The following LATS2 variants were observed in gnomAD, a reference collection of about 807,000 sequenced individuals.
LATS2 encodes large tumor suppressor kinase 2, also known as serine/threonine-protein kinase LATS2.
In LATS2, 24 loss-of-function variants were observed where a neutral mutation model predicts 76.0. The observed-to-expected ratio is 0.32, with a 90% confidence interval of 0.23 to 0.44. The LOEUF (loss-of-function observed/expected upper bound fraction) is 0.44. Ranked by LOEUF, LATS2 falls within the 20% of genes least tolerant of loss-of-function variation. The pLI is 1.00. For missense variants in LATS2, 1,286 were observed against 1,481.2 expected (o/e 0.87, Z 2.16); for synonymous variants, 692 against 635.4 (o/e 1.09, Z -1.34).
chr13:21,060,366 G>A (rs1595263245), intron 1 of LATS2, among the ~76,000 whole-genome samples: 4 of 152,370 alleles, frequency 2.6e-5, no homozygotes, highest in African/African-American at 9.6e-5. Flanking sequence ...AGAAGAGAAA[G>A]CCAAACCCCC....
chr13:20,999,863 CAAAA>C (rs34389397), intron 2 of LATS2, among the ~76,000 whole-genome samples: 1 of 136,196 alleles, frequency 7.3e-6, no homozygotes, highest in Admixed American at 7.5e-5. Context: ...ACTAAACATA[CAAAA>C]AAAAAAAAAA....
At chr13:21,036,257 C>T (rs1217248484) in intron 2 of LATS2, among the ~76,000 whole-genome samples, 1 of 151,564 alleles carries the variant, frequency 6.6e-6, no homozygotes, top group Non-Finnish European at 1.5e-5. Context: ...TTATCAAACT[C>T]CTGACCTGAC....
intron 2 of LATS2, among the ~76,000 whole-genome samples, chr13:21,019,683 A>G (rs1168406227): frequency 6.8e-6 from 1 of 148,130 alleles, no homozygotes; most frequent in Admixed American, 6.7e-5. Flanking sequence ...AAAAAAAAAA[A>G]AAAAAGGCGG....
At chr13:21,000,207 CTG>C (rs1021625538) in intron 2 of LATS2, among the ~76,000 whole-genome samples, 1 of 152,046 alleles carries the variant, frequency 6.6e-6, no homozygotes, top group African/African-American at 2.4e-5. Context: ...TGGTGAAACC[CTG>C]TCTCTACTAA....
chr13:20,983,431 G>A lies in LATS2; in HGVS notation c.2275C>T (p.Arg759Trp), dbSNP rs756702960. ...PGGDMMSLLI[R>W]MEVFPEHLAR... ...AGGTGCTCAGGGAAGACCTCCATCC[G>A]GATCAGCAGGCTCATCATGTCCCCA... The change falls in exon 5 of 8, where the codon CGG becomes TGG. Residue 759 changes from arginine to tryptophan, a missense_variant. Arg to Trp is a moderately radical substitution (Grantham distance 101). Around this residue, in one of 5 missense-constraint regions of LATS2, gnomAD observed 247 missense variants for 385.4 expected, o/e 0.64. Transcript: ENST00000382592. 26 of 1,613,860 alleles carry A rather than the reference G, an allele frequency of 1.6e-5. No individual in the cohort carries two copies. Among genetic ancestry groups the A allele is most frequent in the East Asian group, 2.2e-5 (1 of 44,882 alleles).
chr13:20,994,116 T>C (rs1870635076), intron 2 of LATS2, among the ~76,000 whole-genome samples: 1 of 152,182 alleles, frequency 6.6e-6, no homozygotes, highest in Non-Finnish European at 1.5e-5. Flanking sequence ...CTACTCAAGA[T>C]GTGTATGTTT....
Position 20,989,314 on chromosome 13 carries a change from A to T in LATS2, c.476-10T>A, listed in dbSNP as rs1870406264. On this transcript the variant is annotated splice_polypyrimidine_tract_variant and intron_variant, in intron 3 of 7. Coordinates refer to ENST00000382592, the MANE Select transcript of LATS2 (RefSeq NM_014572.3). Reference sequence around the variant, plus strand: ...GGCATGAGCCCCTTTCCTGCAGTGGAAAAAACAGGAAGACAGCATCAGAGT... The same window carrying T: ...GGCATGAGCCCCTTTCCTGCAGTGGTAAAAACAGGAAGACAGCATCAGAGT... 1 of 1,613,286 alleles carries T rather than the reference A, an allele frequency of 6.2e-7. No individual in the cohort carries two copies. Among genetic ancestry groups the T allele is most frequent in the African/African-American group, 1.3e-5 (1 of 75,052 alleles).
intron 4 of LATS2, among the ~76,000 whole-genome samples, chr13:20,984,017 G>A (rs892099515): frequency 6.6e-6 from 1 of 152,168 alleles, no homozygotes; most frequent in Non-Finnish European, 1.5e-5. Flanking sequence ...TGCAGCCTCC[G>A]CCTCCTGGGT....
chr13:21,021,940 C>G (rs1477022716), intron 2 of LATS2, among the ~76,000 whole-genome samples: 1 of 152,190 alleles, frequency 6.6e-6, no homozygotes, highest in Non-Finnish European at 1.5e-5. Context: ...AACCAAAAAT[C>G]TTTACTTAGA....
intron 2 of LATS2, among the ~76,000 whole-genome samples, chr13:21,000,238 G>T (rs1022957278): frequency 6.6e-6 from 1 of 151,952 alleles, no homozygotes; most frequent in Non-Finnish European, 1.5e-5. Flanking sequence ...AAAATTAGCC[G>T]GGAGTGGTAG....
At chr13:20,990,148 T>C (rs80338249) in intron 3 of LATS2, among the ~76,000 whole-genome samples, 7,399 of 152,162 alleles carry the variant, frequency 0.049, 240 homozygotes, top group African/African-American at 0.085. Context: ...ACCAAGGCTT[T>C]GTTTTCCCTG....
intron 5 of LATS2, among the ~76,000 whole-genome samples, chr13:20,982,992 CA>C (rs67372854): frequency 3.3e-3 from 290 of 87,176 alleles, no homozygotes; most frequent in Middle Eastern, 0.019. Flanking sequence ...AACTCTGTCT[CA>C]AAAAAAAAAA....
intron 6 of LATS2, 95 bp downstream of exon 6, chr13:20,981,371 G>A (rs1565941798): frequency 1.8e-6 from 2 of 1,127,066 alleles, no homozygotes; most frequent in Non-Finnish European, 2.5e-6. Context: ...ATGACTGGAA[G>A]CATTAGGTCC....
At position 20,978,951 on chromosome 13, in the gene LATS2, C is replaced by T. The variant is rs7996606; in HGVS notation, c.2772+740G>A. ...TAATATTTTGTATTTTCAGTAGAGA[C>T]GGGTTTCGCCATGTTGCCCAGGCTG... On this transcript the variant is annotated intron_variant, in intron 7 of 7. Coordinates refer to ENST00000382592, the MANE Select transcript of LATS2 (RefSeq NM_014572.3). Among the ~76,000 whole-genome samples, 1,000 of 152,120 alleles carry T rather than the reference C, an allele frequency of 6.6e-3. 5 individuals carry two copies. The highest frequency in any genetic ancestry group is 0.01 in the Middle Eastern group (3 of 294).
chr13:21,037,847 G>A (rs1212220539), intron 2 of LATS2, among the ~76,000 whole-genome samples: 5 of 152,192 alleles, frequency 3.3e-5, no homozygotes, highest in African/African-American at 1.2e-4. Context: ...GGGTGGGCCT[G>A]CCAGCAGCTG....
intron 2 of LATS2, among the ~76,000 whole-genome samples, chr13:20,997,399 T>G (rs946284359): frequency 3.3e-5 from 5 of 152,210 alleles, no homozygotes; most frequent in South Asian, 2.1e-4. Context: ...TAGAAAGGAC[T>G]GCAAAAGAGG....
Position 20,983,940 on chromosome 13 carries a change from G to A in LATS2, c.1900-134C>T. On this transcript the variant is annotated intron_variant, in intron 4 of 7. Coordinates refer to ENST00000382592, the MANE Select transcript of LATS2 (RefSeq NM_014572.3). Reference sequence around the variant, plus strand: ...CAGAAAGGAGAACAGAGAAGAATGGGTCTCATATACTACAGAGTCTCGCTC... The same window carrying A: ...CAGAAAGGAGAACAGAGAAGAATGGATCTCATATACTACAGAGTCTCGCTC... 3 of 685,504 alleles carry A rather than the reference G, an allele frequency of 4.4e-6. No individual in the cohort carries two copies. The South Asian group carries it at 5.6e-5, about 13-fold the overall frequency. The allele number at this position is 685,504 out of a possible 1,614,324, so 42.5% of individuals were successfully genotyped here. A position where few individuals can be genotyped will look rare whatever the true frequency, so the allele number is the denominator to read the frequency against.
chr13:21,004,595 G>A (rs772590422), intron 2 of LATS2, among the ~76,000 whole-genome samples: 19 of 152,190 alleles, frequency 1.2e-4, no homozygotes, highest in Non-Finnish European at 2.2e-4. Flanking sequence ...TGTTCTGGGC[G>A]TAGGAAACCA....
In LATS2 at chr13:20,981,791, G is replaced by A. The variant is rs1055387913; in HGVS notation, c.2483-143C>T. The A allele has an allele frequency of 1.3e-5, 9 of 705,674 alleles. No homozygotes were observed. In the East Asian group the frequency reaches 1.4e-4, roughly 11 times the overall value. The allele number at this position is 705,674 out of a possible 1,614,324, so 43.7% of individuals were successfully genotyped here. A position where few individuals can be genotyped will look rare whatever the true frequency, so the allele number is the denominator to read the frequency against. On this transcript the variant is annotated intron_variant, in intron 5 of 7. Transcript: ENST00000382592. ...TGACATATCAGGACAGAGAATCCCC[G>A]CTGAGCTGCTCCATAGGGGCAGCCT...
Sources: allele counts gnomAD v4.1 joint callset (sites outside exome capture counted in the v4.1 genomes callset), GRCh38; gene constraint gnomAD v4.1.1; regional missense constraint gnomAD v4.1.1; transcripts MANE v1.5; gene names NCBI Gene and HGNC (gene_info 2026-07-23, HGNC 2026-07-21).